SIM1: variants seen among roughly 807,000 people sequenced by gnomAD.
The protein encoded by SIM1 is SIM bHLH transcription factor 1, also known as single-minded homolog 1.
A neutral mutation model predicts 78.2 loss-of-function variants in SIM1; 18 were observed. The ratio of observed to expected loss-of-function variants is 0.23; its 90% CI spans 0.16 to 0.34. The LOEUF (loss-of-function observed/expected upper bound fraction) is 0.34. Ranked by LOEUF, SIM1 falls within the 10% of genes least tolerant of loss-of-function variation. The pLI is 1.00. For missense variants in SIM1, 939 were observed against 975.1 expected (o/e 0.96, Z 0.49); for synonymous variants, 417 against 385.2 (o/e 1.08, Z -0.97).
intron 10 of SIM1, among the ~76,000 whole-genome samples, chr6:100,402,027 T>C (rs1770927315): frequency 6.6e-6 from 1 of 152,208 alleles, no homozygotes. Context: ...GCCTTGGTTT[T>C]CCCATTTGTA....
At chr6:100,431,893 T>C (rs1438385681) in intron 9 of SIM1, among the ~76,000 whole-genome samples, 2 of 152,208 alleles carry the variant, frequency 1.3e-5, no homozygotes, top group African/African-American at 4.8e-5. Context: ...GGATGAGTGA[T>C]GGCTCATTCA....
intron 10 of SIM1, among the ~76,000 whole-genome samples, chr6:100,399,722 C>A (rs1019555132): frequency 2.0e-5 from 3 of 151,992 alleles, no homozygotes; most frequent in Admixed American, 6.6e-5. Context: ...ATAATGCATT[C>A]AGTAAGTATT....
rs370296648 is a variant in SIM1 at position 100,398,933 on chromosome 6, T to TTGTGTGTG, written c.1168-5052_1168-5045dup. Reference sequence around the variant, plus strand: ...TCTACATCCTCACCAACACTTGTTATTGTGTGTGTGTGTGTGTGTGTGTGT... The same window carrying TTGTGTGTG: ...TCTACATCCTCACCAACACTTGTTATTGTGTGTGTGTGTGTGTGTGTGTGTGTGTGTGT... On this transcript the variant is annotated intron_variant, in intron 10 of 11. Coordinates refer to ENST00000369208, the MANE Select transcript of SIM1 (RefSeq NM_005068.3). Among the ~76,000 whole-genome samples the TTGTGTGTG allele has an allele frequency of 3.6e-3, 532 of 147,040 alleles. 3 individuals carry two copies. The highest frequency in any genetic ancestry group is 0.012 in the African/African-American group (496 of 40,494).
At position 100,448,263 on chromosome 6, in the gene SIM1, C is replaced by A; in HGVS notation, c.744-11G>T. ...GTCAGCTCCGCCACCCTGAGGAGAG[C>A]AATCCCTGCAGGATGAATGCAGGCG... On this transcript the variant is annotated splice_polypyrimidine_tract_variant and intron_variant, in intron 7 of 11. Coordinates refer to ENST00000369208, the MANE Select transcript of SIM1 (RefSeq NM_005068.3). The A allele has an allele frequency of 1.9e-6, 3 of 1,603,884 alleles. No individual in the cohort carries two copies. Among genetic ancestry groups the A allele is most frequent in the Admixed American group, 1.7e-5 (1 of 59,588 alleles).
intron 3 of SIM1, 42 bp from the exon 4 acceptor site, chr6:100,450,398 C>T (rs1285725596): frequency 6.4e-7 from 1 of 1,563,202 alleles, no homozygotes. Flanking sequence ...CCCTCTGGGC[C>T]ATCTGGAGAA....
At chr6:100,412,397 C>G (rs1207607410) in intron 10 of SIM1, among the ~76,000 whole-genome samples, 1 of 151,012 alleles carries the variant, frequency 6.6e-6, no homozygotes, top group Non-Finnish European at 1.5e-5. Context: ...ATTAGCCAGC[C>G]GTGGTGGTGG....
intron 10 of SIM1, chr6:100,396,172 A>C (rs1250041742): frequency 3.4e-6 from 2 of 584,014 alleles, no homozygotes; most frequent in Non-Finnish European, 4.3e-6. Context: ...CACCTTACTG[A>C]GTGGGGATCC....
chr6:100,404,075 G>A (rs1770994704), intron 10 of SIM1, among the ~76,000 whole-genome samples: 1 of 152,124 alleles, frequency 6.6e-6, no homozygotes, highest in Non-Finnish European at 1.5e-5. Context: ...TTACAAAGGG[G>A]ACTTTCTCCA....
At chr6:100,462,115 T>C (rs1232162638) in intron 2 of SIM1, among the ~76,000 whole-genome samples, 1 of 152,156 alleles carries the variant, frequency 6.6e-6, no homozygotes, top group East Asian at 1.9e-4. Context: ...AAAGTGAAAC[T>C]GCAAACCCAA....
At position 100,449,372 on chromosome 6, in the gene SIM1, G is replaced by A. The variant is rs1041831625; in HGVS notation, c.534C>T (p.Gly178=). Residue 178 remains glycine, a synonymous_variant, in exon 6 of 12, where the codon GGC becomes GGT. Coordinates refer to ENST00000369208, the MANE Select transcript of SIM1 (RefSeq NM_005068.3). The part of the protein sequence containing the change: ...LAKRNAGLTC[G]GYKVIHCSGY... ...TCTTCCAGCTACGCACCTTGTAGCC[G>A]CCACAGGTGAGGCCGGCGTTACGCT... 5.0e-6 allele frequency: 8 copies of A among 1,613,498 alleles called. No individual in the cohort carries two copies. The highest frequency in any genetic ancestry group is 5.9e-6 in the Non-Finnish European group (7 of 1,179,606).
At position 100,450,339 on chromosome 6, in the gene SIM1, G is replaced by A; in HGVS notation, c.276C>T (p.Ile92=). ...TCTTCCCATCTGGGGCTACCACGAA[G>A]ATGAAGCCATCCAGGGTCTGGGGAG... is the stretch of plus-strand genomic sequence containing the variant. ...SHLLQTLDGF[I]FVVAPDGKIM... Residue 92 remains isoleucine (I), a synonymous_variant, in exon 4 of 12, where the codon ATC becomes ATT. Coordinates refer to ENST00000369208, the MANE Select transcript of SIM1 (RefSeq NM_005068.3). 1 of 1,614,098 alleles carries A rather than the reference G, an allele frequency of 6.2e-7. No individual in the cohort carries two copies. The highest frequency in any genetic ancestry group is 8.5e-7 in the Non-Finnish European group (1 of 1,180,016).
chr6:100,462,182 T>C (rs1029309784), intron 2 of SIM1, among the ~76,000 whole-genome samples: 1 of 152,102 alleles, frequency 6.6e-6, no homozygotes, highest in African/African-American at 2.4e-5. Flanking sequence ...ACCCCAAACA[T>C]CTAAAATCAA....
intron 10 of SIM1, among the ~76,000 whole-genome samples, chr6:100,418,940 G>C (rs1209470323): frequency 6.6e-6 from 1 of 152,152 alleles, no homozygotes; most frequent in African/African-American, 2.4e-5. Flanking sequence ...GCTGAGGCGA[G>C]CAGATTGCCT....
intron 9 of SIM1, among the ~76,000 whole-genome samples, chr6:100,435,858 C>T (rs1194923374): frequency 1.3e-5 from 2 of 152,126 alleles, no homozygotes; most frequent in Non-Finnish European, 2.9e-5. Context: ...AAAATCAACA[C>T]AACTGCTCCC....
rs1222699647 is a variant in SIM1, at chr6:100,390,678, T to G, written c.1984A>C (p.Asn662His). 6.2e-7 allele frequency: 1 copy of G among 1,614,166 alleles called. No individual in the cohort carries two copies. The highest frequency in any genetic ancestry group is 8.5e-7 in the Non-Finnish European group (1 of 1,180,032). The change falls in exon 12 of 12, where the codon AAT (asparagine) becomes CAT (histidine). Residue 662 changes from asparagine to histidine, a missense_variant. Physicochemically the swap from Asn to His is moderately conservative, Grantham distance 68. Around this residue, in one of 5 missense-constraint regions of SIM1, gnomAD observed 556 missense variants for 521.9 expected, o/e 1.07. Transcript: ENST00000369208. ...CTGGATTTTGAAATGCGATCCGAATTGGGACTACTTATCCGAGATAGTGCG... is the reference window on the plus strand; with the variant it reads ...CTGGATTTTGAAATGCGATCCGAATGGGGACTACTTATCCGAGATAGTGCG... ...PTALSRISSP[N>H]SDRISKSSLI...
intron 10 of SIM1, 44 bp from the exon 11 acceptor site, chr6:100,393,933 G>T (rs762844351): frequency 6.0e-6 from 9 of 1,505,216 alleles, no homozygotes; most frequent in Non-Finnish European, 7.1e-6. Flanking sequence ...AAAATCAATC[G>T]ATCAGTAAGA....
chr6:100,444,883 G>A (rs1437847936), intron 9 of SIM1, among the ~76,000 whole-genome samples: 2 of 152,092 alleles, frequency 1.3e-5, no homozygotes, highest in Non-Finnish European at 2.9e-5. Flanking sequence ...TTCATGACAT[G>A]AAAATCCCTT....
At chr6:100,440,275 G>A (rs140173875) in intron 9 of SIM1, among the ~76,000 whole-genome samples, 90 of 152,306 alleles carry the variant, frequency 5.9e-4, no homozygotes, top group African/African-American at 2.1e-3. Flanking sequence ...AGAGTGATCT[G>A]CTCAAGGCCT....
chr6:100,398,094 A>T (rs1339954010), intron 10 of SIM1, among the ~76,000 whole-genome samples: 1 of 152,148 alleles, frequency 6.6e-6, no homozygotes, highest in African/African-American at 2.4e-5. Flanking sequence ...CTAGTCTAGA[A>T]AACAGTTTGG....
Sources: allele counts gnomAD v4.1 joint callset (sites outside exome capture counted in the v4.1 genomes callset), GRCh38; gene constraint gnomAD v4.1.1; regional missense constraint gnomAD v4.1.1; transcripts MANE v1.5; gene names NCBI Gene and HGNC (gene_info 2026-07-23, HGNC 2026-07-21).